ADGRE3: variants seen among roughly 807,000 people sequenced by gnomAD.
The protein encoded by ADGRE3 is adhesion G protein-coupled receptor E3.
In ADGRE3, 88 loss-of-function variants were observed where a neutral mutation model predicts 80.1. The ratio of observed to expected loss-of-function variants is 1.10; its 90% CI spans 0.93 to 1.31. The LOEUF is 1.31. Among genes scored for constraint, ADGRE3 ranks in the 40% most tolerant of loss-of-function variants. ADGRE3 has a pLI of 0.00. For missense variants in ADGRE3, 715 were observed against 776.5 expected (o/e 0.92, Z 0.94); for synonymous variants, 281 against 294.8 (o/e 0.95, Z 0.48).
At chr19:14,606,870 C>T in the ADGRE3 span, 6 of 362,848 alleles carry the variant, frequency 1.7e-5, no homozygotes, top group South Asian at 1.4e-4. Context: ...ACCATGGGGA[C>T]GGGGACGGGT....
In ADGRE3 at chr19:14,645,346, C is replaced by A. The variant is rs555273231; in HGVS notation, c.883-1071G>T. Among the ~76,000 whole-genome samples, 18 of 152,186 alleles carry A rather than the reference C, an allele frequency of 1.2e-4. No homozygotes were observed. The South Asian group carries it at 3.1e-3, about 26-fold the overall frequency. On this transcript the variant is annotated intron_variant, in intron 8 of 15. Transcript: ENST00000253673. ...GAGGCATGATATAGGAAAGAAAAGT[C>A]ATGAGGAGAGAGAATAAAATGAGCC...
chr19:14,640,639 A>C (rs917326308), intron 10 of ADGRE3, among the ~76,000 whole-genome samples: 17 of 151,910 alleles, frequency 1.1e-4, no homozygotes, highest in African/African-American at 4.1e-4. Flanking sequence ...CACCAGAGGA[A>C]TCTACAAAAC....
At chr19:14,627,997 G>A (rs1161443500) in intron 14 of ADGRE3, among the ~76,000 whole-genome samples, 3 of 151,628 alleles carry the variant, frequency 2.0e-5, no homozygotes, top group Middle Eastern at 3.4e-3. Context: ...GTGTGGAGGT[G>A]TGCACCTGTA....
In ADGRE3 at chr19:14,634,503, A is replaced by G. The variant is rs144494837; in HGVS notation, c.1485-1201T>C. On this transcript the variant is annotated intron_variant, in intron 11 of 15. Coordinates refer to ENST00000253673, the MANE Select transcript of ADGRE3 (RefSeq NM_032571.5). ...ACATTACCAGATTTTTGGGGTTTTT[A>G]TAGAATTTAAGCTTTTTAGTAACTG... is the stretch of plus-strand genomic sequence containing the variant. Among the ~76,000 whole-genome samples the G allele has an allele frequency of 6.9e-3, 1,056 of 152,192 alleles. 9 individuals carry two copies. The highest frequency in any genetic ancestry group is 0.024 in the African/African-American group (1,012 of 41,518).
intron 15 of ADGRE3, among the ~76,000 whole-genome samples, chr19:14,624,711 C>T (rs553413971): frequency 4.4e-4 from 66 of 150,116 alleles, no homozygotes; most frequent in Non-Finnish European, 8.3e-4. Context: ...GCTATGATCA[C>T]GCCACTGCAC....
chr19:14,608,764 G>C, the ADGRE3 span, among the ~76,000 whole-genome samples: 1 of 150,272 alleles, frequency 6.7e-6, no homozygotes, highest in African/African-American at 2.5e-5. Context: ...CTATTGAGTA[G>C]CTGGGATTAC....
intron 8 of ADGRE3, among the ~76,000 whole-genome samples, chr19:14,645,290 C>T (rs567759586): frequency 3.9e-5 from 6 of 152,258 alleles, no homozygotes; most frequent in African/African-American, 1.4e-4. Context: ...GTCTCTACTC[C>T]CTTACAACAC....
intron 1 of ADGRE3, among the ~76,000 whole-genome samples, chr19:14,673,308 A>T (rs541993248): frequency 2.0e-5 from 3 of 152,238 alleles, no homozygotes; most frequent in Non-Finnish European, 2.9e-5. Flanking sequence ...TGACAATGTA[A>T]AGCAATTTAA....
At chr19:14,617,549 C>T (rs546471593), downstream of ADGRE3, among the ~76,000 whole-genome samples, 1 of 151,796 alleles carries the variant, frequency 6.6e-6, no homozygotes, top group East Asian at 1.9e-4. Flanking sequence ...AGGCCCCTGC[C>T]ACCACGCCTG....
rs1436117757 is a variant in ADGRE3 at position 14,663,927 on chromosome 19, A to G, written c.77-387T>C. Among the ~76,000 whole-genome samples, 3 of 152,050 alleles carry G rather than the reference A, an allele frequency of 2.0e-5. No individual in the cohort carries two copies. In the East Asian group the frequency reaches 5.8e-4, roughly 29 times the overall value. On this transcript the variant is annotated intron_variant, in intron 2 of 15. Transcript: ENST00000253673. ...TACATTAGGTATTTCTCCTAATGCT[A>G]TCCCTCCCCCAGCCCCCCACTCCCC...
At chr19:14,671,017 C>G (rs138646696) in intron 1 of ADGRE3, among the ~76,000 whole-genome samples, 4 of 152,292 alleles carry the variant, frequency 2.6e-5, no homozygotes, top group African/African-American at 7.2e-5. Flanking sequence ...CCTCAAAGTC[C>G]CGTAGAGAGT....
chr19:14,665,936 GTATATATATATATATATATATATA>G (rs71309616), intron 2 of ADGRE3, among the ~76,000 whole-genome samples: 25 of 42,104 alleles, frequency 5.9e-4, no homozygotes, highest in Non-Finnish European at 7.2e-4. Flanking sequence ...ACACATATGT[GTATATATATATATATATATATATA>G]TATATATATA....
chr19:14,620,551 TATATATATA>T (rs1970558976), intron 15 of ADGRE3, among the ~76,000 whole-genome samples: 3 of 23,412 alleles, frequency 1.3e-4, no homozygotes, highest in Admixed American at 6.7e-4. Context: ...ATATATATTA[TATATATATA>T]TATATATATT....
At chr19:14,613,874 C>T in the ADGRE3 span, among the ~76,000 whole-genome samples, 10 of 152,036 alleles carry the variant, frequency 6.6e-5, no homozygotes, top group East Asian at 3.9e-4. Flanking sequence ...TTAGTAGAGA[C>T]GGCATTTCGC....
At chr19:14,629,698 G>T (rs1409643064) in intron 14 of ADGRE3, among the ~76,000 whole-genome samples, 1 of 152,110 alleles carries the variant, frequency 6.6e-6, no homozygotes, top group Non-Finnish European at 1.5e-5. Flanking sequence ...CAATAGACCT[G>T]TAGACCCCAG....
At chr19:14,603,977 A>G in the ADGRE3 span, among the ~76,000 whole-genome samples, 3,294 of 152,272 alleles carry the variant, frequency 0.022, 115 homozygotes, top group African/African-American at 0.076. Context: ...ACTTTGGGCC[A>G]TCTAGGCTGC....
chr19:14,615,753 C>T (rs1245776427), downstream of ADGRE3, among the ~76,000 whole-genome samples: 1 of 148,188 alleles, frequency 6.7e-6, no homozygotes, highest in African/African-American at 2.5e-5. Flanking sequence ...CAGAGAGACT[C>T]TGCTAAAAAA....
At chr19:14,655,739 G>A (rs1157730095) in intron 5 of ADGRE3, among the ~76,000 whole-genome samples, 2 of 151,992 alleles carry the variant, frequency 1.3e-5, no homozygotes, top group Non-Finnish European at 1.5e-5. Context: ...TGGGATTATA[G>A]GAGTGAGCCA....
chr19:14,665,934 G>GTTTATATA, intron 2 of ADGRE3, among the ~76,000 whole-genome samples: 1 of 8,748 alleles, frequency 1.1e-4, no homozygotes, highest in South Asian at 5.6e-3. Flanking sequence ...ACACACATAT[G>GTTTATATA]TGTATATATA....
Sources: gnomAD v4.1 joint callset for allele counts (sites outside exome capture counted in the v4.1 genomes callset) on GRCh38, gnomAD v4.1.1 for gene constraint, MANE v1.5 for transcripts, NCBI Gene and HGNC (gene_info 2026-07-23, HGNC 2026-07-21) for gene names.